The following CNTLN variants were observed in gnomAD, a reference collection of about 807,000 sequenced individuals.
CNTLN encodes the protein centlein.
CNTLN carries 212 observed loss-of-function variants against 180.0 expected under a neutral mutation model. The observed-to-expected ratio is 1.18, with a 90% CI of 1.05 to 1.32. CNTLN has a LOEUF of 1.32. CNTLN is among the 40% of genes most tolerant of loss of function. The pLI, the probability that CNTLN is intolerant of heterozygous loss-of-function variation, is 0.00. For synonymous variants in CNTLN, 722 were observed against 563.1 expected (o/e 1.28, Z -3.99); for missense variants, 2,095 against 1,610.9 (o/e 1.30, Z -5.14).
At chr9:17,140,784 A>G (rs1416287305) in intron 1 of CNTLN, among the ~76,000 whole-genome samples, 1 of 152,170 alleles carries the variant, frequency 6.6e-6, no homozygotes, top group African/African-American at 2.4e-5. Flanking sequence ...TAAAATGTAT[A>G]CATAAAACAT....
chr9:17,193,688 G>A (rs772884761), intron 2 of CNTLN, among the ~76,000 whole-genome samples: 2 of 152,156 alleles, frequency 1.3e-5, no homozygotes, highest in African/African-American at 2.4e-5. Context: ...GGTGCAAGCT[G>A]TTGGTAGATT....
rs1456379699 is a variant in CNTLN, at chr9:17,359,717, T to TAAAAAAAAAAAAAAA, written c.1887-6895_1887-6894insAAAAAAAAAAAAAAA. Among the ~76,000 whole-genome samples, 82 of 13,440 alleles carry TAAAAAAAAAAAAAAA rather than the reference T, an allele frequency of 6.1e-3. 12 individuals are homozygous for TAAAAAAAAAAAAAAA. Among genetic ancestry groups the TAAAAAAAAAAAAAAA allele is most frequent in the South Asian group, 0.027 (9 of 328 alleles). 8.8% of individuals were successfully genotyped at this position (13,440 alleles called of 152,430 possible). A position where few individuals can be genotyped will look rare whatever the true frequency, so the allele number is the denominator to read the frequency against. ...TAACACGGTGAAACTCCGTCTATAC[T>TAAAAAAAAAAAAAAA]AAAAATACAAAAAAAAAAAAAAAAA... is the stretch of plus-strand genomic sequence containing the variant. On this transcript the variant is annotated intron_variant, in intron 12 of 25. Coordinates refer to ENST00000380647, the MANE Select transcript of CNTLN (RefSeq NM_017738.4).
chr9:17,475,493 C>T (rs990379287), intron 23 of CNTLN, among the ~76,000 whole-genome samples: 1 of 138,366 alleles, frequency 7.2e-6, no homozygotes, highest in African/African-American at 2.6e-5. Flanking sequence ...TAACACAAGC[C>T]GGGAAATAAA....
At chr9:17,380,328 C>T (rs1381237093) in intron 13 of CNTLN, among the ~76,000 whole-genome samples, 2 of 152,150 alleles carry the variant, frequency 1.3e-5, no homozygotes, top group Non-Finnish European at 2.9e-5. Flanking sequence ...TTTACTGCCT[C>T]CTCCCAGTCT....
chr9:17,192,121 A>G (rs1350114802), intron 2 of CNTLN, among the ~76,000 whole-genome samples: 1 of 152,216 alleles, frequency 6.6e-6, no homozygotes, highest in Non-Finnish European at 1.5e-5. Context: ...TTTAACAAGC[A>G]TAATGTTAAT....
At chr9:17,273,584 T>A in intron 5 of CNTLN, 149 bp from the exon 6 acceptor site, 1 of 445,006 alleles carries the variant, frequency 2.2e-6, no homozygotes, top group East Asian at 3.8e-5. Flanking sequence ...GGTATAAAAG[T>A]TATTGTTTGT....
chr9:17,135,343 CG>C lies in CNTLN; in HGVS notation c.280del (p.Val94Ter), dbSNP rs1442721948. The C allele has an allele frequency of 2.5e-6, 4 of 1,601,714 alleles. No individual in the cohort carries two copies. The Admixed American group carries it at 5.2e-5, about 21-fold the overall frequency. ...PMGSRRLEGI[S>X]VEEAMVTRTQ... ...GGGTCCAGACGGCTAGAGGGCATCT[CG>C]GTAGAGGAGGCGATGGTGACCCGGA... On this transcript the variant is annotated frameshift_variant, in exon 1 of 26. Coordinates refer to ENST00000380647, the MANE Select transcript of CNTLN (RefSeq NM_017738.4). LOFTEE classifies it high-confidence loss of function.
chr9:17,285,445 A>G (rs559194005), intron 6 of CNTLN, among the ~76,000 whole-genome samples: 2 of 148,482 alleles, frequency 1.3e-5, no homozygotes, highest in East Asian at 4.0e-4. Context: ...TGCTGTTGTG[A>G]ATAATGCCAC....
chr9:17,317,117 A>T (rs1244454083), intron 8 of CNTLN, among the ~76,000 whole-genome samples: 1 of 151,968 alleles, frequency 6.6e-6, no homozygotes, highest in African/African-American at 2.4e-5. Context: ...GAGAAATCTG[A>T]TGTAATTTTA....
intron 25 of CNTLN, among the ~76,000 whole-genome samples, chr9:17,498,074 G>A (rs902221578): frequency 3.3e-5 from 5 of 151,982 alleles, no homozygotes; most frequent in African/African-American, 1.2e-4. Context: ...CTTACAAGAA[G>A]TATCTTTTTG....
chr9:17,226,210 C>G lies in CNTLN; in HGVS notation c.457C>G (p.Gln153Glu). Reference protein sequence around the residue: ...VVSLVVEREKQKSEAKDRKVL... With the variant: ...VVSLVVEREKEKSEAKDRKVL... ...TCTATATTTTATATCTAGAGAAAAACAGAAATCTGAAGCTAAAGACAGAAA... is the reference window on the plus strand; with the variant it reads ...TCTATATTTTATATCTAGAGAAAAAGAGAAATCTGAAGCTAAAGACAGAAA... The change falls in exon 3 of 26, where the codon CAG becomes GAG. Residue 153 changes from glutamine (Q) to glutamate (E), a missense_variant. By Grantham distance (29) the Gln-to-Glu change is conservative (BLOSUM62 2). Coordinates refer to ENST00000380647, the MANE Select transcript of CNTLN (RefSeq NM_017738.4). 5 of 1,556,082 alleles carry G rather than the reference C, an allele frequency of 3.2e-6. No individual in the cohort carries two copies. Among genetic ancestry groups the G allele is most frequent in the Non-Finnish European group, 4.4e-6 (5 of 1,149,036 alleles).
rs555133267 is a variant in CNTLN, at chr9:17,295,019, G to C, written c.984-3171G>C. Among the ~76,000 whole-genome samples, 1,193 of 151,788 alleles carry C rather than the reference G, an allele frequency of 7.9e-3. 11 individuals carry two copies. The highest frequency in any genetic ancestry group is 0.012 in the Non-Finnish European group (838 of 67,844). ...GGCCCGGTGAGAAATTGAGAGCAGCGCCGGTGGGCCAACACTGCTGGGGGA... is the reference window on the plus strand; with the variant it reads ...GGCCCGGTGAGAAATTGAGAGCAGCCCCGGTGGGCCAACACTGCTGGGGGA... On this transcript the variant is annotated intron_variant, in intron 6 of 25. Coordinates refer to ENST00000380647, the MANE Select transcript of CNTLN (RefSeq NM_017738.4).
intron 7 of CNTLN, 102 bp from the exon 8 acceptor site, chr9:17,308,956 T>G: frequency 1.5e-6 from 1 of 653,182 alleles, no homozygotes; most frequent in Non-Finnish European, 2.3e-6. Flanking sequence ...AAGAACTGTG[T>G]TTATACAGTT....
intron 2 of CNTLN, among the ~76,000 whole-genome samples, chr9:17,179,064 G>A (rs1820940189): frequency 2.0e-5 from 3 of 147,338 alleles, no homozygotes; most frequent in African/African-American, 7.9e-5. Flanking sequence ...CTAAAACGGT[G>A]AAACCCCGTC....
In CNTLN at chr9:17,174,732, C is replaced by G. The variant is rs573204848; in HGVS notation, c.449+31356C>G. Among the ~76,000 whole-genome samples, 3 of 151,870 alleles carry G rather than the reference C, an allele frequency of 2.0e-5. No homozygotes were observed. In the East Asian group the frequency reaches 5.8e-4, roughly 29 times the overall value. ...AAAAAAAAGAAAGAAATTGCCAAACCGTTTGTCAGAGTGTCTATACCATTT... is the reference window on the plus strand; with the variant it reads ...AAAAAAAAGAAAGAAATTGCCAAACGGTTTGTCAGAGTGTCTATACCATTT... On this transcript the variant is annotated intron_variant, in intron 2 of 25. Transcript: ENST00000380647.
chr9:17,377,839 G>T (rs1407437990), intron 13 of CNTLN, among the ~76,000 whole-genome samples: 1 of 152,066 alleles, frequency 6.6e-6, no homozygotes, highest in South Asian at 2.1e-4. Flanking sequence ...TTTGCTAAGT[G>T]GATGCCTGAA....
intron 2 of CNTLN, among the ~76,000 whole-genome samples, chr9:17,213,627 CGTT>C (rs1374028656): frequency 1.3e-5 from 2 of 152,044 alleles, no homozygotes; most frequent in Non-Finnish European, 2.9e-5. Context: ...CTTTCTGACT[CGTT>C]GGTCTGTCTA....
chr9:17,190,856 T>A (rs972137620), intron 2 of CNTLN, among the ~76,000 whole-genome samples: 4 of 152,212 alleles, frequency 2.6e-5, no homozygotes, highest in Non-Finnish European at 4.4e-5. Context: ...TGAAAGACTT[T>A]TTGGTAAAGA....
At chr9:17,159,123 C>A (rs749047324) in intron 2 of CNTLN, among the ~76,000 whole-genome samples, 1 of 152,114 alleles carries the variant, frequency 6.6e-6, no homozygotes, top group Non-Finnish European at 1.5e-5. Flanking sequence ...TATTTGTGAG[C>A]TTCTCAGTTT....
Sources: gnomAD v4.1 joint callset for allele counts (sites outside exome capture counted in the v4.1 genomes callset) on GRCh38, gnomAD v4.1.1 for gene constraint, MANE v1.5 for transcripts, NCBI Gene and HGNC (gene_info 2026-07-23, HGNC 2026-07-21) for gene names.